Variants in MTMR10 observed in about 807,000 individuals in gnomAD.
MTMR10 encodes the protein myotubularin related protein 10, also known as myotubularin-related protein 10.
MTMR10 carries 56 observed loss-of-function variants against 88.1 expected under a neutral mutation model. That is an observed-to-expected ratio of 0.64 (90% CI 0.51 to 0.79). MTMR10 has a LOEUF of 0.79. Ranked by LOEUF, MTMR10 falls within the 30% of genes least tolerant of loss-of-function variation. MTMR10 has a pLI of 0.00. For missense variants in MTMR10, 883 were observed against 924.7 expected (o/e 0.95, Z 0.58); for synonymous variants, 380 against 340.9 (o/e 1.11, Z -1.26).
intron 4 of MTMR10, among the ~76,000 whole-genome samples, 154 bp downstream of exon 4, chr15:30,974,777 C>T (rs1473899353): frequency 6.6e-6 from 1 of 152,064 alleles, no homozygotes; most frequent in Non-Finnish European, 1.5e-5. Flanking sequence ...AATTTATTAA[C>T]ATATCCCTCT....
chr15:30,919,161 A>C, the MTMR10 span, among the ~76,000 whole-genome samples: 1 of 152,078 alleles, frequency 6.6e-6, no homozygotes, highest in Non-Finnish European at 1.5e-5. Flanking sequence ...CTGGCAGATC[A>C]CCTGAGGTCG....
At chr15:30,951,255 TTTC>T (rs1297769831) in intron 12 of MTMR10, among the ~76,000 whole-genome samples, 1 of 152,244 alleles carries the variant, frequency 6.6e-6, no homozygotes, top group Non-Finnish European at 1.5e-5. Context: ...TCAGTCTAAA[TTTC>T]TTCATCTCAA....
the MTMR10 span, chr15:30,930,652 CCCAGAG>C: frequency 6.2e-7 from 1 of 1,612,602 alleles, no homozygotes; most frequent in Non-Finnish European, 8.5e-7. Context: ...GTGTGGAACT[CCCAGAG>C]CCGTCACTTT....
At chr15:30,959,362 T>G (rs1178404906) in intron 7 of MTMR10, among the ~76,000 whole-genome samples, 2 of 152,206 alleles carry the variant, frequency 1.3e-5, no homozygotes, top group Non-Finnish European at 2.9e-5. Flanking sequence ...AAAGAAGGTA[T>G]TAGAAATATT....
chr15:30,920,324 G>C, the MTMR10 span, among the ~76,000 whole-genome samples: 1 of 152,212 alleles, frequency 6.6e-6, no homozygotes, highest in Non-Finnish European at 1.5e-5. Flanking sequence ...CCTTGGTTTA[G>C]AATGATGAGT....
rs372636542 is a variant in MTMR10, at chr15:30,984,235, T to C, written c.121+6542A>G. ...GGTTCATGAACGGTGTTGACAACGA[T>C]AGTGAGGAGTTTGGAGGGGTAAGAA... On this transcript the variant is annotated intron_variant, in intron 2 of 15. Coordinates refer to ENST00000435680, the MANE Select transcript of MTMR10 (RefSeq NM_017762.3). Among the ~76,000 whole-genome samples, 28 of 152,240 alleles carry C rather than the reference T, an allele frequency of 1.8e-4. No homozygotes were observed. The South Asian group carries it at 5.2e-3, about 28-fold the overall frequency.
chr15:30,947,472 A>G (rs185870839), intron 13 of MTMR10, among the ~76,000 whole-genome samples, 172 bp from the exon 14 acceptor site: 16 of 152,354 alleles, frequency 1.1e-4, no homozygotes, highest in Middle Eastern at 3.4e-3. Flanking sequence ...AAGAAGTAAC[A>G]TTCAACCGTG....
chr15:30,948,406 A>G lies in MTMR10; in HGVS notation c.1273T>C (p.Phe425Leu). 1 of 1,613,420 alleles carries G rather than the reference A, an allele frequency of 6.2e-7. No individual in the cohort carries two copies. The highest frequency in any genetic ancestry group is 8.5e-7 in the Non-Finnish European group (1 of 1,179,590). The change falls in exon 13 of 16, where the codon TTT (phenylalanine) becomes CTT (leucine). Residue 425 changes from phenylalanine to leucine, a missense_variant. This residue lies in a region of MTMR10 where 126 missense variants were observed against 178.2 expected (regional missense o/e 0.71). Transcript: ENST00000435680. ...CTCTGAAATCCAGTAATTGTCCTAA[A>G]ATAGGGATCCAGCATCACTTGAACA... ...SLVQVMLDPY[F>L]RTITGFQSLI...
the MTMR10 span, chr15:30,927,694 G>A: frequency 1.3e-5 from 13 of 985,508 alleles, no homozygotes; most frequent in South Asian, 4.7e-5. Context: ...CACCTCCTCT[G>A]GCCAGTGGTC....
chr15:30,951,850 G>T, intron 12 of MTMR10, 118 bp downstream of exon 12: 1 of 836,016 alleles, frequency 1.2e-6, no homozygotes. Context: ...GTATTTGATG[G>T]TACTGTAGTA....
chr15:30,975,595 A>G (rs2030067986), intron 3 of MTMR10, among the ~76,000 whole-genome samples: 1 of 152,104 alleles, frequency 6.6e-6, no homozygotes, highest in Non-Finnish European at 1.5e-5. Context: ...AAAGAGAAAC[A>G]CACAAGCCTA....
At chr15:30,983,374 C>T in intron 2 of MTMR10, among the ~76,000 whole-genome samples, 1 of 152,156 alleles carries the variant, frequency 6.6e-6, no homozygotes, top group East Asian at 1.9e-4. Context: ...TTCTCAAGAC[C>T]CTTTCATCTG....
intron 15 of MTMR10, 45 bp from the exon 16 acceptor site, chr15:30,942,117 G>C: frequency 6.4e-7 from 1 of 1,561,232 alleles, no homozygotes; most frequent in South Asian, 1.2e-5. Flanking sequence ...TCCCTTTTTA[G>C]AAAGATTGAA....
At chr15:30,953,693 A>C in intron 10 of MTMR10, 62 bp from the exon 11 acceptor site, 3 of 1,051,958 alleles carry the variant, frequency 2.9e-6, no homozygotes, top group Non-Finnish European at 4.2e-6. Flanking sequence ...CTATCAGAGT[A>C]AAGAGATACA....
intron 14 of MTMR10, chr15:30,946,415 CT>C: frequency 7.2e-6 from 2 of 277,220 alleles, no homozygotes; most frequent in East Asian, 6.8e-5. Flanking sequence ...GGGCCTAGCA[CT>C]TTTCCCAGAC....
chr15:30,924,046 C>T, the MTMR10 span, among the ~76,000 whole-genome samples: 1 of 152,294 alleles, frequency 6.6e-6, no homozygotes, highest in Non-Finnish European at 1.5e-5. Context: ...CTTTTTGTGT[C>T]TGTAAATGTG....
At chr15:30,925,641 A>T in the MTMR10 span, 1 of 908,368 alleles carries the variant, frequency 1.1e-6, no homozygotes, top group Non-Finnish European at 1.7e-6. Flanking sequence ...ACATCCCCGC[A>T]GTTCTGCGTG....
chr15:30,923,295 A>G, the MTMR10 span, among the ~76,000 whole-genome samples: 1 of 152,184 alleles, frequency 6.6e-6, no homozygotes, highest in South Asian at 2.1e-4. Context: ...TGAGGCTGAA[A>G]TAGCAAGAGA....
rs758204139 is a variant in MTMR10, at chr15:30,941,797, C to G, written c.2007G>C (p.Gln669His). 13 of 1,614,012 alleles carry G rather than the reference C, an allele frequency of 8.1e-6. No individual in the cohort carries two copies. The highest frequency in any genetic ancestry group is 1.1e-5 in the Non-Finnish European group (13 of 1,179,892). The change falls in exon 16 of 16, where the codon CAG becomes CAC. Residue 669 changes from glutamine to histidine, a missense_variant. Around this residue, in one of 3 missense-constraint regions of MTMR10, gnomAD observed 343 missense variants for 323.2 expected, o/e 1.06. Transcript: ENST00000435680. ...LCYFRWVPEA[Q>H]ISLGGSITAF... ...CTGTGATGGAGCCACCCAGGCTGAT[C>G]TGGGCCTCGGGAACCCAGCGGAAGT...
Sources: allele counts gnomAD v4.1 joint callset (sites outside exome capture counted in the v4.1 genomes callset), GRCh38; gene constraint gnomAD v4.1.1; regional missense constraint gnomAD v4.1.1; transcripts MANE v1.5; gene names NCBI Gene and HGNC (gene_info 2026-07-23, HGNC 2026-07-21).